The following SUGCT variants were observed in gnomAD, a reference collection of about 807,000 sequenced individuals.
SUGCT encodes succinyl-CoA:glutarate CoA-transferase.
SUGCT carries 41 observed loss-of-function variants against 55.0 expected under a neutral mutation model. That is an observed-to-expected ratio of 0.74 (90% confidence interval 0.58 to 0.97). The LOEUF (loss-of-function observed/expected upper bound fraction) is 0.97, where lower values mean the gene tolerates loss of function less well. SUGCT is among the 50% of genes least tolerant of loss of function. The pLI is 0.00. For synonymous variants in SUGCT, 187 were observed against 200.4 expected (o/e 0.93, Z 0.56); for missense variants, 568 against 547.8 (o/e 1.04, Z -0.37).
the SUGCT span, among the ~76,000 whole-genome samples, chr7:40,898,200 C>T: frequency 6.6e-6 from 1 of 152,092 alleles, no homozygotes; most frequent in South Asian, 2.1e-4. Flanking sequence ...GGACGTGCCA[C>T]TTTTATGAAC....
the SUGCT span, among the ~76,000 whole-genome samples, chr7:40,900,107 A>G: frequency 6.6e-6 from 1 of 152,196 alleles, no homozygotes; most frequent in South Asian, 2.1e-4. Flanking sequence ...CTCTGGGAAG[A>G]GCCGATGACC....
At chr7:40,665,429 CAAAA>C (rs752816170) in intron 12 of SUGCT, among the ~76,000 whole-genome samples, 1 of 119,884 alleles carries the variant, frequency 8.3e-6, no homozygotes, top group East Asian at 2.3e-4. Context: ...AACTCTATCT[CAAAA>C]AATAAATAAA....
At chr7:40,216,853 C>T (rs1215522716) in intron 6 of SUGCT, among the ~76,000 whole-genome samples, 3 of 148,976 alleles carry the variant, frequency 2.0e-5, no homozygotes, top group Non-Finnish European at 4.5e-5. Context: ...GAAATTCCAT[C>T]TCGAAAAAAA....
At chr7:40,858,419 A>G (rs1313022162) in intron 13 of SUGCT, among the ~76,000 whole-genome samples, 2 of 151,140 alleles carry the variant, frequency 1.3e-5, no homozygotes, top group Non-Finnish European at 3.0e-5. Flanking sequence ...AAAAAAAAAA[A>G]AAAAAAAAAA....
chr7:40,849,953 A>T (rs1793768411), intron 13 of SUGCT, among the ~76,000 whole-genome samples: 1 of 152,196 alleles, frequency 6.6e-6, no homozygotes, highest in African/African-American at 2.4e-5. Context: ...CAGTGCCGTG[A>T]GTCCGGGACT....
At chr7:40,480,972 C>T (rs746613152) in intron 11 of SUGCT, among the ~76,000 whole-genome samples, 11 of 152,106 alleles carry the variant, frequency 7.2e-5, no homozygotes, top group East Asian at 1.9e-4. Flanking sequence ...CATGTAGACA[C>T]ATAGATATAA....
At chr7:40,447,272 CT>C (rs1788890301) in intron 9 of SUGCT, among the ~76,000 whole-genome samples, 1 of 152,100 alleles carries the variant, frequency 6.6e-6, no homozygotes, top group African/African-American at 2.4e-5. Context: ...CGGCTAGTGG[CT>C]AATGTAAGAA....
At chr7:40,635,325 CAT>C (rs1219366445) in intron 12 of SUGCT, among the ~76,000 whole-genome samples, 2 of 151,740 alleles carry the variant, frequency 1.3e-5, no homozygotes, top group African/African-American at 4.8e-5. Context: ...AAAAAAAACA[CAT>C]AGGGATTGAG....
chr7:40,517,501 A>C (rs1793306198), intron 12 of SUGCT, among the ~76,000 whole-genome samples: 1 of 152,048 alleles, frequency 6.6e-6, no homozygotes, highest in South Asian at 2.1e-4. Context: ...GGTACCTTTT[A>C]TCAGGGTTAG....
intron 12 of SUGCT, among the ~76,000 whole-genome samples, chr7:40,532,520 GTATGTC>G (rs1435869841): frequency 1.4e-5 from 2 of 143,978 alleles, no homozygotes; most frequent in Non-Finnish European, 3.0e-5. Flanking sequence ...AACTGAGCAA[GTATGTC>G]TGTGTGTGTG....
At chr7:40,576,481 G>C (rs929574942) in intron 12 of SUGCT, among the ~76,000 whole-genome samples, 4 of 152,166 alleles carry the variant, frequency 2.6e-5, no homozygotes, top group African/African-American at 9.7e-5. Flanking sequence ...TGAGAGCAGG[G>C]AACATGTGAG....
chr7:41,030,018 C>A, the SUGCT span, among the ~76,000 whole-genome samples: 4 of 152,226 alleles, frequency 2.6e-5, no homozygotes, highest in African/African-American at 4.8e-5. Flanking sequence ...CAGAATGCAG[C>A]CTGTTCAGAA....
At chr7:40,176,516 T>C (rs2150693914) in intron 1 of SUGCT, among the ~76,000 whole-genome samples, 1 of 152,322 alleles carries the variant, frequency 6.6e-6, no homozygotes, top group South Asian at 2.1e-4. Context: ...GTGTTAATTA[T>C]GAAGAAGAGT....
intron 13 of SUGCT, among the ~76,000 whole-genome samples, chr7:40,804,773 G>T (rs1057478161): frequency 6.6e-6 from 1 of 152,106 alleles, no homozygotes; most frequent in Non-Finnish European, 1.5e-5. Flanking sequence ...CAGTGCCATT[G>T]CCATTAAAAT....
chr7:40,160,148 GGATCC>G (rs1359340860), intron 1 of SUGCT, among the ~76,000 whole-genome samples: 1 of 152,124 alleles, frequency 6.6e-6, no homozygotes, highest in Non-Finnish European at 1.5e-5. Context: ...TAGGTCCTGT[GGATCC>G]TCCTAGCAAA....
chr7:40,160,320 C>G (rs912888429), intron 1 of SUGCT, among the ~76,000 whole-genome samples: 3 of 152,124 alleles, frequency 2.0e-5, no homozygotes, highest in African/African-American at 7.2e-5. Context: ...CCTCTTGCTC[C>G]CGGGTTCAAG....
At chr7:40,209,599 C>G (rs977802082) in intron 6 of SUGCT, among the ~76,000 whole-genome samples, 1 of 152,182 alleles carries the variant, frequency 6.6e-6, no homozygotes, top group African/African-American at 2.4e-5. Flanking sequence ...GAGTTCGAGA[C>G]CAGCCTGACC....
intron 11 of SUGCT, among the ~76,000 whole-genome samples, chr7:40,488,940 G>A (rs933203628): frequency 6.6e-6 from 1 of 152,052 alleles, no homozygotes; most frequent in African/African-American, 2.4e-5. Context: ...TATATATTTG[G>A]TTAGCCTGAT....
intron 13 of SUGCT, among the ~76,000 whole-genome samples, chr7:40,757,019 G>A (rs1921752): frequency 0.55 from 82,866 of 151,950 alleles, 24,385 homozygotes; most frequent in Admixed American, 0.71. Flanking sequence ...TTTTTTTACC[G>A]TTATTAAATC....
Sources: gnomAD v4.1 joint callset for allele counts (sites outside exome capture counted in the v4.1 genomes callset) on GRCh38, gnomAD v4.1.1 for gene constraint, MANE v1.5 for transcripts, NCBI Gene and HGNC (gene_info 2026-07-23, HGNC 2026-07-21) for gene names.